LARGE1: variants seen among roughly 807,000 people sequenced by gnomAD.
LARGE1 encodes the protein xylosyl- and glucuronyltransferase LARGE1.
In LARGE1, 43 loss-of-function variants were observed where a neutral mutation model predicts 87.6. The ratio of observed to expected loss-of-function variants is 0.49; its 90% CI spans 0.38 to 0.63. The LOEUF (loss-of-function observed/expected upper bound fraction) is 0.63, where lower values mean the gene tolerates loss of function less well. Among genes scored for constraint, LARGE1 ranks in the 30% least tolerant of loss-of-function variants. The pLI is 0.00. For missense variants in LARGE1, 802 were observed against 1,000.2 expected (o/e 0.80, Z 2.67); for synonymous variants, 434 against 394.6 (o/e 1.10, Z -1.18).
chr22:33,904,231 C>G (rs1038186746), intron 1 of LARGE1, among the ~76,000 whole-genome samples: 10 of 152,202 alleles, frequency 6.6e-5, no homozygotes, highest in Non-Finnish European at 1.5e-4. Flanking sequence ...GCTGGGCTCA[C>G]TGCAACCTCC....
intron 7 of LARGE1, among the ~76,000 whole-genome samples, chr22:33,385,749 CA>C (rs1474593065): frequency 2.7e-5 from 4 of 148,090 alleles, no homozygotes; most frequent in Middle Eastern, 3.5e-3. Context: ...CCACTGCAGT[CA>C]ATTTGGTGGG....
chr22:33,438,756 G>A lies in LARGE1; in HGVS notation c.788-6491C>T, dbSNP rs78358038. On this transcript the variant is annotated intron_variant, in intron 6 of 14. Coordinates refer to ENST00000397394, the MANE Select transcript of LARGE1 (RefSeq NM_133642.5). ...ATAAAGAAGGCAGCATGATAAATCA[G>A]GAAGACAAAGGATTTTAAAACTTGG... Among the ~76,000 whole-genome samples the A allele has an allele frequency of 5.9e-3, 902 of 152,290 alleles. 2 individuals are homozygous for A. Among genetic ancestry groups the A allele is most frequent in the Non-Finnish European group, 0.01 (693 of 68,036 alleles).
chr22:33,307,112 CTAA>C (rs1935018521), intron 11 of LARGE1, among the ~76,000 whole-genome samples: 1 of 152,148 alleles, frequency 6.6e-6, no homozygotes, highest in Non-Finnish European at 1.5e-5. Context: ...ACTGAGGTTT[CTAA>C]TAATGATGGT....
At chr22:33,599,357 C>T (rs891131013) in intron 5 of LARGE1, among the ~76,000 whole-genome samples, 16 of 151,256 alleles carry the variant, frequency 1.1e-4, no homozygotes, top group Non-Finnish European at 1.9e-4. Context: ...CAAAGCTCTA[C>T]GCAAAAATAA....
chr22:33,257,198 T>C (rs1927339631), intron 11 of LARGE1, among the ~76,000 whole-genome samples: 1 of 151,762 alleles, frequency 6.6e-6, no homozygotes, highest in South Asian at 2.1e-4. Context: ...AGAGCAAAAC[T>C]CCGTCTCAAA....
chr22:33,204,994 G>T (rs1924606015), intron 11 of LARGE1, among the ~76,000 whole-genome samples: 2 of 151,724 alleles, frequency 1.3e-5, no homozygotes, highest in African/African-American at 4.9e-5. Flanking sequence ...AATGAATAAA[G>T]AAATGAAAAC....
chr22:33,601,779 C>T (rs1006378876), intron 5 of LARGE1, among the ~76,000 whole-genome samples: 29 of 152,038 alleles, frequency 1.9e-4, no homozygotes, highest in Admixed American at 1.0e-3. Context: ...TTCTTTTGAA[C>T]GTATCAGATT....
rs189478943 is a variant in LARGE1 at position 33,644,770 on chromosome 22, G to A, written c.408+5597C>T. Among the ~76,000 whole-genome samples the A allele has an allele frequency of 3.0e-3, 452 of 152,210 alleles. 2 individuals carry two copies. The highest frequency in any genetic ancestry group is 0.01 in the African/African-American group (434 of 41,526). On this transcript the variant is annotated intron_variant, in intron 3 of 14. Coordinates refer to ENST00000397394, the MANE Select transcript of LARGE1 (RefSeq NM_133642.5). ...CAAGCACTCCTATACACCAATAACA[G>A]ACAAACAGAGAGCCAAATCATGAGT... is the stretch of plus-strand genomic sequence containing the variant.
chr22:33,315,272 T>C (rs963027608), intron 11 of LARGE1, among the ~76,000 whole-genome samples: 2 of 152,218 alleles, frequency 1.3e-5, no homozygotes, highest in Non-Finnish European at 2.9e-5. Flanking sequence ...GGAGCCTGGA[T>C]GTGAACGTGT....
intron 3 of LARGE1, among the ~76,000 whole-genome samples, chr22:33,633,267 C>T (rs1472179338): frequency 6.6e-6 from 1 of 152,052 alleles, no homozygotes; most frequent in African/African-American, 2.4e-5. Context: ...TCTTTGCATC[C>T]CAGAGTGGCC....
chr22:33,213,951 C>T (rs1449101590), intron 11 of LARGE1, among the ~76,000 whole-genome samples: 2 of 152,142 alleles, frequency 1.3e-5, no homozygotes. Context: ...GCTTCAGCCT[C>T]CTGAGCAACT....
intron 11 of LARGE1, among the ~76,000 whole-genome samples, chr22:33,311,987 G>C (rs1204475165): frequency 6.6e-6 from 1 of 152,160 alleles, no homozygotes; most frequent in African/African-American, 2.4e-5. Flanking sequence ...CTTCCGTCTA[G>C]TGCCTTTTTA....
chr22:33,731,658 T>C lies in LARGE1; in HGVS notation c.106+29713A>G, dbSNP rs76294950. 6.2e-3 allele frequency among the ~76,000 whole-genome samples: 946 copies of C among 152,298 alleles called. 10 individuals are homozygous for C. The highest frequency in any genetic ancestry group is 0.021 in the African/African-American group (885 of 41,566). On this transcript the variant is annotated intron_variant, in intron 2 of 14. Coordinates refer to ENST00000397394, the MANE Select transcript of LARGE1 (RefSeq NM_133642.5). ...TACTGCAAAACACAGAGCCTATAGT[T>C]AACAATACTGTATCGTAGACTTCGA...
chr22:33,636,904 A>G (rs1269967626), intron 3 of LARGE1, among the ~76,000 whole-genome samples: 3 of 152,202 alleles, frequency 2.0e-5, no homozygotes, highest in South Asian at 4.1e-4. Context: ...GTACCTTGTA[A>G]GTAATGGGTA....
Position 33,562,718 on chromosome 22 carries a change from T to C in LARGE1, c.787+2130A>G, listed in dbSNP as rs137996125. Among the ~76,000 whole-genome samples, 1,449 of 152,332 alleles carry C rather than the reference T, an allele frequency of 9.5e-3. 10 individuals carry two copies. Among genetic ancestry groups the C allele is most frequent in the Non-Finnish European group, 0.015 (1,050 of 68,016 alleles). ...ATAACCATGACAATTCACGTTGTTA[T>C]TGGCTACAGAGCGCCACTAGCACTA... On this transcript the variant is annotated intron_variant, in intron 6 of 14. Coordinates refer to ENST00000397394, the MANE Select transcript of LARGE1 (RefSeq NM_133642.5).
At chr22:33,254,635 C>A (rs559034627) in intron 11 of LARGE1, among the ~76,000 whole-genome samples, 3 of 152,316 alleles carry the variant, frequency 2.0e-5, no homozygotes, top group African/African-American at 7.2e-5. Context: ...CACCCAACCT[C>A]ACTGTGGTTC....
chr22:33,653,051 A>G (rs2080865932), intron 2 of LARGE1, among the ~76,000 whole-genome samples: 1 of 152,180 alleles, frequency 6.6e-6, no homozygotes. Flanking sequence ...CCTGTTTGGT[A>G]CAACTGAGAA....
chr22:33,905,001 C>G (rs1216477429), intron 1 of LARGE1, among the ~76,000 whole-genome samples: 3 of 151,198 alleles, frequency 2.0e-5, no homozygotes, highest in Non-Finnish European at 4.4e-5. Context: ...ATTACCCACT[C>G]CAAACTTCAG....
intron 5 of LARGE1, among the ~76,000 whole-genome samples, chr22:33,566,104 G>A (rs927123652): frequency 6.6e-6 from 1 of 152,050 alleles, no homozygotes; most frequent in Admixed American, 6.5e-5. Context: ...ATACCATGTT[G>A]AGGAGATGTT....
Sources: gnomAD v4.1 joint callset for allele counts (sites outside exome capture counted in the v4.1 genomes callset) on GRCh38, gnomAD v4.1.1 for gene constraint, MANE v1.5 for transcripts, NCBI Gene and HGNC (gene_info 2026-07-23, HGNC 2026-07-21) for gene names.